The following R3HCC1L variants were observed in gnomAD, a reference collection of about 807,000 sequenced individuals.
R3HCC1L encodes the protein R3H domain and coiled-coil containing 1 like, also known as coiled-coil domain-containing protein R3HCC1L.
In R3HCC1L, 51 loss-of-function variants were observed where a neutral mutation model predicts 59.9. The observed-to-expected ratio is 0.85, with a 90% CI of 0.68 to 1.07. The LOEUF is 1.07. R3HCC1L is among the 50% of genes least tolerant of loss of function. R3HCC1L has a pLI of 0.00. For synonymous variants in R3HCC1L, 322 were observed against 315.2 expected (o/e 1.02, Z -0.23); for missense variants, 965 against 933.0 (o/e 1.03, Z -0.45).
chr10:98,145,451 G>A (rs907016610), intron 1 of R3HCC1L, among the ~76,000 whole-genome samples: 1 of 152,162 alleles, frequency 6.6e-6, no homozygotes, highest in African/African-American at 2.4e-5. Flanking sequence ...GAAAGGTAAC[G>A]AGTTCAGTTT....
intron 4 of R3HCC1L, among the ~76,000 whole-genome samples, chr10:98,181,799 G>A (rs948414905): frequency 2.6e-5 from 4 of 152,010 alleles, no homozygotes; most frequent in African/African-American, 4.8e-5. Flanking sequence ...CCAGTTGATC[G>A]AATCGGCTAC....
At position 98,209,126 on chromosome 10, in the gene R3HCC1L, A is replaced by G; in HGVS notation, c.1012A>G (p.Ser338Gly). 6.2e-7 allele frequency: 1 copy of G among 1,614,112 alleles called. No homozygotes were observed. Reference protein sequence around the residue: ...VMIRECEKNDSTADELHVKHE... With the variant: ...VMIRECEKNDGTADELHVKHE... ...GATTAGAGAATGTGAGAAGAATGAC[A>G]GCACTGCTGATGAGTTACATGTAAA... is the stretch of plus-strand genomic sequence containing the variant. Residue 338 changes from serine to glycine, a missense_variant, in exon 5 of 10, where the codon AGC (serine) becomes GGC (glycine). Ser to Gly is a moderately conservative substitution (Grantham distance 56). Coordinates refer to ENST00000298999, the MANE Select transcript of R3HCC1L (RefSeq NM_001351015.2).
intron 4 of R3HCC1L, among the ~76,000 whole-genome samples, chr10:98,165,746 AAT>A (rs1408763722): frequency 6.6e-6 from 1 of 152,224 alleles, no homozygotes; most frequent in African/African-American, 2.4e-5. Context: ...TTGGGGACTG[AAT>A]GTTTGTGTTC....
At chr10:98,135,332 A>G (rs1185242590) in intron 1 of R3HCC1L, among the ~76,000 whole-genome samples, 1 of 152,232 alleles carries the variant, frequency 6.6e-6, no homozygotes, top group African/African-American at 2.4e-5. Context: ...TCAGTCCGCC[A>G]CTTGGCTGGA....
intron 5 of R3HCC1L, among the ~76,000 whole-genome samples, chr10:98,215,390 CTAAT>C (rs901187338): frequency 1.0e-4 from 15 of 148,602 alleles, no homozygotes; most frequent in African/African-American, 3.0e-4. Context: ...AACAACTCTC[CTAAT>C]TAGACATAAA....
intron 7 of R3HCC1L, among the ~76,000 whole-genome samples, chr10:98,235,140 A>G (rs1856786659): frequency 6.6e-6 from 1 of 152,220 alleles, no homozygotes; most frequent in South Asian, 2.1e-4. Context: ...GAAAGCAGCC[A>G]TAGACAATAT....
chr10:98,211,231 C>A, intron 5 of R3HCC1L: 1 of 892,496 alleles, frequency 1.1e-6, no homozygotes, highest in Non-Finnish European at 1.7e-6. Context: ...AGACCAGCAG[C>A]ATGAGTATCA....
intron 1 of R3HCC1L, among the ~76,000 whole-genome samples, chr10:98,152,608 T>G (rs1279555212): frequency 4.7e-5 from 5 of 106,664 alleles, no homozygotes; most frequent in South Asian, 4.7e-4. Flanking sequence ...CAGCCGCCCA[T>G]AGTCTGAGAT....
chr10:98,195,492 TACAAA>T (rs1028374926), intron 4 of R3HCC1L, among the ~76,000 whole-genome samples: 7 of 151,826 alleles, frequency 4.6e-5, no homozygotes, highest in Non-Finnish European at 1.0e-4. Context: ...TCTATAAGCA[TACAAA>T]ACAAAATGTT....
intron 4 of R3HCC1L, among the ~76,000 whole-genome samples, chr10:98,207,548 C>T (rs1009890690): frequency 1.3e-5 from 2 of 152,202 alleles, no homozygotes; most frequent in Admixed American, 6.5e-5. Context: ...TTCTCTTTTT[C>T]ACTACTTTCT....
At chr10:98,157,509 G>A (rs1046099110) in intron 2 of R3HCC1L, among the ~76,000 whole-genome samples, 3 of 152,114 alleles carry the variant, frequency 2.0e-5, no homozygotes, top group African/African-American at 7.2e-5. Context: ...GTGCCCTCCC[G>A]GCATTTCACT....
intron 4 of R3HCC1L, among the ~76,000 whole-genome samples, chr10:98,193,772 T>G (rs1181411820): frequency 1.3e-5 from 2 of 152,116 alleles, no homozygotes; most frequent in Non-Finnish European, 2.9e-5. Context: ...ACAAAAAGTT[T>G]TGGATTTTGG....
chr10:98,169,903 TGGAGTGAG>T (rs1564641457), intron 4 of R3HCC1L, among the ~76,000 whole-genome samples: 4 of 145,520 alleles, frequency 2.7e-5, no homozygotes, highest in African/African-American at 7.6e-5. Context: ...TTTTTTTTTT[TGGAGTGAG>T]TGCTTTTTTT....
chr10:98,227,897 C>A (rs1335888127), intron 5 of R3HCC1L, among the ~76,000 whole-genome samples: 2 of 152,148 alleles, frequency 1.3e-5, no homozygotes, highest in East Asian at 1.9e-4. Flanking sequence ...CATGTCCCTA[C>A]AAAGGACATG....
At chr10:98,218,141 A>C (rs1854429390) in intron 5 of R3HCC1L, among the ~76,000 whole-genome samples, 1 of 151,956 alleles carries the variant, frequency 6.6e-6, no homozygotes, top group Non-Finnish European at 1.5e-5. Flanking sequence ...GTTAGGTGTG[A>C]GTTTGTCATA....
chr10:98,209,009 A>T lies in R3HCC1L; in HGVS notation c.895A>T (p.Ile299Phe). 1 of 1,614,016 alleles carries T rather than the reference A, an allele frequency of 6.2e-7. No individual in the cohort carries two copies. The highest frequency in any genetic ancestry group is 8.5e-7 in the Non-Finnish European group (1 of 1,179,904). The stretch of plus-strand genomic sequence containing the variant: ...TGGTATAGCCAATAGTACAGGTTTC[A>T]TCTTAGATCAAAAAGATACAGATTC... Reference protein sequence around the residue: ...VGGIANSTGFILDQKDTDSIP... With the variant: ...VGGIANSTGFFLDQKDTDSIP... Residue 299 changes from isoleucine (I) to phenylalanine (F), a missense_variant, in exon 5 of 10, where the codon ATC (isoleucine) becomes TTC (phenylalanine). Transcript: ENST00000298999.
In R3HCC1L at chr10:98,235,554, G is replaced by T. The variant is rs759553964; in HGVS notation, c.2128+34G>T. 2.6e-6 allele frequency: 4 copies of T among 1,518,460 alleles called. No homozygotes were observed. The Admixed American group carries it at 7.7e-5, about 29-fold the overall frequency. 94.1% of individuals were successfully genotyped at this position (1,518,460 alleles called of 1,614,324 possible). A position where few individuals can be genotyped will look rare whatever the true frequency, so the allele number is the denominator to read the frequency against. On this transcript the variant is annotated intron_variant, in intron 8 of 9. Transcript: ENST00000298999. ...ATAATCTCTGGGTTTTTTTCTTGCT[G>T]ATGGTGGTATTATTGTTCTTTCCAG...
chr10:98,198,121 T>C (rs1332493346), intron 4 of R3HCC1L, among the ~76,000 whole-genome samples: 11 of 152,188 alleles, frequency 7.2e-5, no homozygotes, highest in African/African-American at 2.6e-4. Flanking sequence ...ACTTCCCGGG[T>C]TTTGGCTTGA....
intron 1 of R3HCC1L, 91 bp from the exon 2 acceptor site, chr10:98,156,002 C>G (rs984899857): frequency 6.6e-6 from 1 of 151,760 alleles, no homozygotes; most frequent in African/African-American, 2.4e-5. Context: ...CTTAAATAGC[C>G]CCTCGGTGCA....
Sources: allele counts gnomAD v4.1 joint callset (sites outside exome capture counted in the v4.1 genomes callset), GRCh38; gene constraint gnomAD v4.1.1; transcripts MANE v1.5; gene names NCBI Gene and HGNC (gene_info 2026-07-23, HGNC 2026-07-21).